Variants in PALS2 observed in about 807,000 individuals in gnomAD.
PALS2 encodes protein associated with LIN7 2, MAGUK p55 family member, also known as protein PALS2.
A neutral mutation model predicts 61.6 loss-of-function variants in PALS2; 27 were observed. That is an observed-to-expected ratio of 0.44 (90% confidence interval 0.32 to 0.60). The LOEUF (loss-of-function observed/expected upper bound fraction) is 0.60, where lower values mean the gene tolerates loss of function less well. PALS2 is among the 20% of genes least tolerant of loss of function. The pLI, the probability that PALS2 is intolerant of heterozygous loss-of-function variation, is 0.05. For missense variants in PALS2, 554 were observed against 639.4 expected, an observed-to-expected ratio of 0.87 and a Z score of 1.44; for synonymous variants, 236 against 218.6, an observed-to-expected ratio of 1.08 and a Z score of -0.70.
In PALS2 at chr7:24,680,449, C is replaced by G; in HGVS notation, c.1375C>G (p.Pro459Ala). ...GCCCTATGTGGTATTTATTGCGGCTCCGGAGCTAGAGACGTTACGTGCCAT... is the reference window on the plus strand; with the variant it reads ...GCCCTATGTGGTATTTATTGCGGCTGCGGAGCTAGAGACGTTACGTGCCAT... ...FMPYVVFIAA[P>A]ELETLRAMHK... The change falls in exon 11 of 12, where the codon CCG becomes GCG. Residue 459 changes from proline (P) to alanine (A), a missense_variant. By Grantham distance (27) the Pro-to-Ala change is conservative. Coordinates refer to ENST00000222644, the MANE Select transcript of PALS2 (RefSeq NM_001303037.2). 1.9e-6 allele frequency: 3 copies of G among 1,613,886 alleles called. No homozygotes were observed. The highest frequency in any genetic ancestry group is 2.5e-6 in the Non-Finnish European group (3 of 1,179,826).
chr7:24,643,733 C>T (rs1232343927), intron 3 of PALS2, among the ~76,000 whole-genome samples: 3 of 152,202 alleles, frequency 2.0e-5, no homozygotes, highest in South Asian at 2.1e-4. Flanking sequence ...GTTCCACCCC[C>T]GGATTTGTTT....
intron 5 of PALS2, among the ~76,000 whole-genome samples, chr7:24,653,311 A>G (rs1005608647): frequency 6.6e-6 from 1 of 152,170 alleles, no homozygotes; most frequent in Non-Finnish European, 1.5e-5. Flanking sequence ...AATAACCTCA[A>G]TGGAGAATTT....
chr7:24,647,076 T>TA (rs769693072), intron 3 of PALS2, among the ~76,000 whole-genome samples: 1 of 152,000 alleles, frequency 6.6e-6, no homozygotes, highest in Non-Finnish European at 1.5e-5. Flanking sequence ...GCTTGTCTAT[T>TA]AATTTTTTCA....
chr7:24,637,008 G>A (rs560213693), intron 2 of PALS2, among the ~76,000 whole-genome samples: 8 of 152,210 alleles, frequency 5.3e-5, no homozygotes, highest in African/African-American at 1.7e-4. Flanking sequence ...TTATAAAAAG[G>A]TTATTGTGTA....
At chr7:24,588,572 C>T (rs1038476692) in intron 1 of PALS2, among the ~76,000 whole-genome samples, 1 of 152,082 alleles carries the variant, frequency 6.6e-6, no homozygotes, top group African/African-American at 2.4e-5. Context: ...GTTTGAACCT[C>T]TTCTGATTTT....
At chr7:24,611,399 C>T (rs1454392483) in intron 1 of PALS2, among the ~76,000 whole-genome samples, 1 of 151,922 alleles carries the variant, frequency 6.6e-6, no homozygotes, top group South Asian at 2.1e-4. Context: ...CCAAGTATTA[C>T]ACAATTTTAT....
At chr7:24,672,550 A>G (rs1322645606) in intron 9 of PALS2, among the ~76,000 whole-genome samples, 1 of 152,094 alleles carries the variant, frequency 6.6e-6, no homozygotes, top group African/African-American at 2.4e-5. Context: ...CTATGAGCAT[A>G]GATGTCTCTC....
intron 3 of PALS2, 139 bp from the exon 4 acceptor site, chr7:24,649,473 C>A: frequency 6.2e-6 from 3 of 480,646 alleles, no homozygotes; most frequent in Non-Finnish European, 1.0e-5. Context: ...ATTTGATCAA[C>A]CTGATATTTG....
intron 1 of PALS2, among the ~76,000 whole-genome samples, chr7:24,587,235 T>G (rs1390403669): frequency 6.6e-6 from 1 of 152,090 alleles, no homozygotes; most frequent in Non-Finnish European, 1.5e-5. Flanking sequence ...CGAAGGACGT[T>G]AACTGGAATG....
intron 1 of PALS2, among the ~76,000 whole-genome samples, chr7:24,587,472 G>A (rs1383995908): frequency 6.6e-6 from 1 of 151,500 alleles, no homozygotes; most frequent in Non-Finnish European, 1.5e-5. Flanking sequence ...TAAATTTCTG[G>A]GCTCTAGTGA....
At chr7:24,612,864 G>T (rs1784162706) in intron 1 of PALS2, among the ~76,000 whole-genome samples, 1 of 151,798 alleles carries the variant, frequency 6.6e-6, no homozygotes, top group South Asian at 2.1e-4. Flanking sequence ...AGTCATCGTA[G>T]TGGGCATTCT....
intron 1 of PALS2, among the ~76,000 whole-genome samples, chr7:24,620,725 G>A (rs1784466900): frequency 6.6e-6 from 1 of 152,126 alleles, no homozygotes; most frequent in Non-Finnish European, 1.5e-5. Context: ...TTGCTAATTT[G>A]TTACTATTGC....
At chr7:24,635,437 C>G (rs1011626158) in intron 2 of PALS2, among the ~76,000 whole-genome samples, 1 of 151,852 alleles carries the variant, frequency 6.6e-6, no homozygotes, top group Non-Finnish European at 1.5e-5. Flanking sequence ...TTTTTTTATT[C>G]AAATAGTCTT....
intron 1 of PALS2, chr7:24,597,167 A>C (rs1783555176): frequency 6.6e-6 from 1 of 152,256 alleles, no homozygotes; most frequent in Non-Finnish European, 1.5e-5. Context: ...CTGGGGAAAA[A>C]CGTAAAGAAG....
chr7:24,616,316 A>G (rs1220864776), intron 1 of PALS2, among the ~76,000 whole-genome samples: 1 of 152,210 alleles, frequency 6.6e-6, no homozygotes, highest in Non-Finnish European at 1.5e-5. Context: ...ACTCTACAAA[A>G]AAAACTCTTA....
At chr7:24,670,456 A>T (rs374923684) in intron 9 of PALS2, among the ~76,000 whole-genome samples, 1 of 151,334 alleles carries the variant, frequency 6.6e-6, no homozygotes, top group Non-Finnish European at 1.5e-5. Flanking sequence ...CTTTGTTGTT[A>T]TCCTGGGTTG....
In PALS2 at chr7:24,689,891, C is replaced by T. The variant is rs368867666; in HGVS notation, c.*2277C>T. 13 of 152,242 alleles carry T rather than the reference C, an allele frequency of 8.5e-5. No individual in the cohort carries two copies. The South Asian group carries it at 2.5e-3, about 29-fold the overall frequency. 9.4% of individuals were successfully genotyped at this position (152,242 alleles called of 1,614,324 possible). ...GTACTTTCATGCTGCAGCATGGAGC[C>T]TCTTTAAACAGCTTTGGGATAATTA... On this transcript the variant is annotated 3_prime_UTR_variant, in exon 12 of 12. Coordinates refer to ENST00000222644, the MANE Select transcript of PALS2 (RefSeq NM_001303037.2).
At chr7:24,651,124 A>G (rs1179888912) in intron 5 of PALS2, among the ~76,000 whole-genome samples, 1 of 152,232 alleles carries the variant, frequency 6.6e-6, no homozygotes, top group African/African-American at 2.4e-5. Context: ...TGATGAGGCC[A>G]GAAAAGAGGA....
At chr7:24,614,730 A>G (rs750591344) in intron 1 of PALS2, among the ~76,000 whole-genome samples, 3 of 152,012 alleles carry the variant, frequency 2.0e-5, no homozygotes, top group Non-Finnish European at 1.5e-5. Context: ...CATAGGCCAA[A>G]TAGACCTAAC....
Sources: allele counts gnomAD v4.1 joint callset (sites outside exome capture counted in the v4.1 genomes callset), GRCh38; gene constraint gnomAD v4.1.1; transcripts MANE v1.5; gene names NCBI Gene and HGNC (gene_info 2026-07-23, HGNC 2026-07-21).